Variants in SGCG observed in about 807,000 individuals in gnomAD.
SGCG encodes gamma-sarcoglycan.
Under a neutral mutation model 29.3 loss-of-function variants are expected in SGCG, and 26 were observed. The ratio of observed to expected loss-of-function variants is 0.89; its 90% CI spans 0.65 to 1.23. The LOEUF is 1.23. Ranked by LOEUF, SGCG falls within the 50% of genes most tolerant of loss-of-function variation. The probability of loss-of-function intolerance (pLI) is 0.00; values close to 1 mark genes in which losing one functional copy is unlikely to be tolerated. For synonymous variants in SGCG, 145 were observed against 129.7 expected, an observed-to-expected ratio of 1.12 and a Z score of -0.80; for missense variants, 353 against 356.0, an observed-to-expected ratio of 0.99 and a Z score of 0.07.
intron 6 of SGCG, among the ~76,000 whole-genome samples, chr13:23,309,314 C>T (rs1882474091): frequency 6.6e-6 from 1 of 152,070 alleles, no homozygotes; most frequent in Non-Finnish European, 1.5e-5. Context: ...GCCTTGAACT[C>T]CTGGGCTCAA....
chr13:23,292,605 A>T (rs1313692988), intron 5 of SGCG, among the ~76,000 whole-genome samples: 3 of 152,250 alleles, frequency 2.0e-5, no homozygotes, highest in Non-Finnish European at 4.4e-5. Context: ...TTTGTTTTAC[A>T]AGGGTATGTG....
rs535775638 is a variant in SGCG, at chr13:23,304,619, G to T, written c.578+9132G>T. 2.6e-5 allele frequency among the ~76,000 whole-genome samples: 4 copies of T among 151,852 alleles called. No homozygotes were observed. In the South Asian group the frequency reaches 8.3e-4, roughly 32 times the overall value. The stretch of plus-strand genomic sequence containing the variant: ...TTTTTTTTTTTGGCGGCGGGGAGGG[G>T]AGCGGATGGAGTCTTGCTCTGTTGC... On this transcript the variant is annotated intron_variant, in intron 6 of 7. Coordinates refer to ENST00000218867, the MANE Select transcript of SGCG (RefSeq NM_000231.3).
intron 4 of SGCG, among the ~76,000 whole-genome samples, chr13:23,267,167 T>G (rs1880670944): frequency 6.6e-6 from 1 of 152,206 alleles, no homozygotes; most frequent in South Asian, 2.1e-4. Context: ...AAGATGCAAG[T>G]TGTGCCCACA....
At position 23,324,580 on chromosome 13, in the gene SGCG, C is replaced by G; in HGVS notation, c.*39C>G. 1 of 1,570,338 alleles carries G rather than the reference C, an allele frequency of 6.4e-7. No homozygotes were observed. The highest frequency in any genetic ancestry group is 1.1e-5 in the South Asian group (1 of 89,978). The stretch of plus-strand genomic sequence containing the variant: ...TCTCGGTGAGCTGTGCAGTGCCGGC[C>G]CCAGATCCTCACACCCAGGGAGCAG... On this transcript the variant is annotated 3_prime_UTR_variant, in exon 8 of 8. Coordinates refer to ENST00000218867, the MANE Select transcript of SGCG (RefSeq NM_000231.3).
chr13:23,205,544 A>G (rs1302168771), intron 2 of SGCG, among the ~76,000 whole-genome samples: 2 of 152,216 alleles, frequency 1.3e-5, no homozygotes, highest in Admixed American at 1.3e-4. Flanking sequence ...TATTTATGAA[A>G]TATGGGTGAA....
At chr13:23,235,345 G>GCAAAACTCCATCT (rs1879267545) in intron 3 of SGCG, among the ~76,000 whole-genome samples, 1 of 148,476 alleles carries the variant, frequency 6.7e-6, no homozygotes, top group African/African-American at 2.5e-5. Context: ...GGCAACAAGA[G>GCAAAACTCCATCT]CAAAACTCCA....
rs569995280 is a variant in SGCG, at chr13:23,223,104, C to T, written c.196-11507C>T. Among the ~76,000 whole-genome samples, 3 of 152,042 alleles carry T rather than the reference C, an allele frequency of 2.0e-5. No homozygotes were observed. In the South Asian group the frequency reaches 6.2e-4, roughly 32 times the overall value. ...CCATCCTGGCTAACACGGTGAAACC[C>T]TGTCTCTATTAAAAATACAAAAAAC... On this transcript the variant is annotated intron_variant, in intron 2 of 7. Coordinates refer to ENST00000218867, the MANE Select transcript of SGCG (RefSeq NM_000231.3).
At chr13:23,186,950 T>A (rs1277479622) in intron 1 of SGCG, among the ~76,000 whole-genome samples, 1 of 152,140 alleles carries the variant, frequency 6.6e-6, no homozygotes, top group African/African-American at 2.4e-5. Context: ...CCCCTCAAGA[T>A]GATGTAACCC....
chr13:23,261,826 A>G (rs1355503448), intron 4 of SGCG, among the ~76,000 whole-genome samples: 1 of 152,106 alleles, frequency 6.6e-6, no homozygotes, highest in Non-Finnish European at 1.5e-5. Context: ...GAAACCTTAC[A>G]AGTCAGAAAG....
At chr13:23,232,961 A>G (rs967570166) in intron 2 of SGCG, among the ~76,000 whole-genome samples, 4 of 152,228 alleles carry the variant, frequency 2.6e-5, no homozygotes, top group Admixed American at 1.3e-4. Context: ...ATTCTTGTGC[A>G]CTGTTAGAAT....
intron 7 of SGCG, among the ~76,000 whole-genome samples, chr13:23,321,065 T>G (rs373243375): frequency 2.9e-4 from 44 of 152,288 alleles, no homozygotes; most frequent in African/African-American, 9.6e-4. Context: ...GTTCACAGTT[T>G]ACAGAGAATG....
intron 1 of SGCG, among the ~76,000 whole-genome samples, chr13:23,198,756 G>A (rs1425966376): frequency 1.3e-5 from 2 of 151,048 alleles, no homozygotes; most frequent in African/African-American, 4.9e-5. Context: ...TGAGGCAGGA[G>A]AATCGCTTGA....
intron 3 of SGCG, chr13:23,244,416 C>T (rs978585367): frequency 5.3e-5 from 8 of 152,150 alleles, no homozygotes; most frequent in Non-Finnish European, 1.0e-4. Flanking sequence ...TTTAAAGTAA[C>T]ATGGTATTTC....
At chr13:23,211,653 T>C (rs115352502) in intron 2 of SGCG, among the ~76,000 whole-genome samples, 2,323 of 152,278 alleles carry the variant, frequency 0.015, 71 homozygotes, top group African/African-American at 0.054. Flanking sequence ...CCATTCCTAT[T>C]GCACTGAAAA....
At chr13:23,308,056 G>A (rs529786950) in intron 6 of SGCG, among the ~76,000 whole-genome samples, 4 of 152,184 alleles carry the variant, frequency 2.6e-5, no homozygotes, top group Admixed American at 2.0e-4. Flanking sequence ...GCTGAAGATC[G>A]TGAATGCTTC....
intron 2 of SGCG, among the ~76,000 whole-genome samples, chr13:23,228,654 G>C (rs117307276): frequency 6.6e-6 from 1 of 151,910 alleles, no homozygotes; most frequent in Admixed American, 6.6e-5. Context: ...AGGGTCTGTT[G>C]TTCCCCTCTA....
intron 2 of SGCG, among the ~76,000 whole-genome samples, chr13:23,225,780 TACACACACACACACAC>T (rs60718653): frequency 6.7e-6 from 1 of 148,546 alleles, no homozygotes. Context: ...GGACATGTCA[TACACACACACACACAC>T]ACACACACAC....
In SGCG at chr13:23,203,888, C is replaced by T; in HGVS notation, c.194C>T (p.Pro65Leu). ...IWILKVMWFS[P>L]AGMGHLCVTK... is the part of the protein sequence containing the mutation. The stretch of plus-strand genomic sequence containing the variant: ...ATTCTTAAAGTGATGTGGTTTTCTC[C>T]AGTAAGTATCATTATTTTCTGGTAA... Residue 65 changes from proline to leucine, a missense_variant and splice_region_variant, in exon 2 of 8, where the codon CCA becomes CTA. Coordinates refer to ENST00000218867, the MANE Select transcript of SGCG (RefSeq NM_000231.3). The T allele has an allele frequency of 6.3e-7, 1 of 1,591,722 alleles. No homozygotes were observed. The highest frequency in any genetic ancestry group is 8.6e-7 in the Non-Finnish European group (1 of 1,159,736).
chr13:23,263,438 A>T (rs552390189), intron 4 of SGCG, among the ~76,000 whole-genome samples: 31 of 152,230 alleles, frequency 2.0e-4, no homozygotes, highest in Non-Finnish European at 3.5e-4. Context: ...AAAGAAATAG[A>T]ATTCCTGAAC....
Sources: gnomAD v4.1 joint callset for allele counts (sites outside exome capture counted in the v4.1 genomes callset) on GRCh38, gnomAD v4.1.1 for gene constraint, MANE v1.5 for transcripts, NCBI Gene and HGNC (gene_info 2026-07-23, HGNC 2026-07-21) for gene names.